The following VPS13D variants were observed in gnomAD, a reference collection of about 807,000 sequenced individuals.
VPS13D encodes intermembrane lipid transfer protein VPS13D.
A neutral mutation model predicts 461.9 loss-of-function variants in VPS13D; 187 were observed. The ratio of observed to expected loss-of-function variants is 0.40; its 90% CI spans 0.36 to 0.46. The LOEUF (loss-of-function observed/expected upper bound fraction) is 0.46. Among genes scored for constraint, VPS13D ranks in the 20% least tolerant of loss-of-function variants. The probability of loss-of-function intolerance (pLI) is 0.60; values close to 1 mark genes in which losing one functional copy is unlikely to be tolerated. For missense variants in VPS13D, 4,711 were observed against 5,364.9 expected (o/e 0.88, Z 3.81); for synonymous variants, 1,951 against 1,986.3 (o/e 0.98, Z 0.47).
In VPS13D at chr1:12,362,762, G is replaced by T. The variant is rs2101615373; in HGVS notation, c.10184G>T (p.Cys3395Phe). The change falls in exon 51 of 70, where the codon TGC becomes TTC. Residue 3395 changes from cysteine (C) to phenylalanine (F), a missense_variant. Around this residue, in one of 3 missense-constraint regions of VPS13D, gnomAD observed 4,411 missense variants for 4,937.8 expected, o/e 0.89. Coordinates refer to ENST00000620676, the MANE Select transcript of VPS13D (RefSeq NM_015378.4). ...KKGRGRYIDT[C>F]MVIFAPRYLL... ...GGCCGAGGTCGATACATTGATACCT[G>T]CATGGTCATCTTTGCCCCCCGTTAC... 6.2e-7 allele frequency: 1 copy of T among 1,614,210 alleles called. No homozygotes were observed.
intron 46 of VPS13D, among the ~76,000 whole-genome samples, chr1:12,350,337 CACAA>C (rs1643767221): frequency 6.6e-6 from 1 of 152,034 alleles, no homozygotes; most frequent in Admixed American, 6.5e-5. Flanking sequence ...ATTTCCTGAT[CACAA>C]TAGAAGTAAA....
intron 5 of VPS13D, among the ~76,000 whole-genome samples, chr1:12,247,602 A>G (rs1400979860): frequency 4.0e-5 from 6 of 151,542 alleles, no homozygotes; most frequent in African/African-American, 1.5e-4. Context: ...TTCGATTTGC[A>G]TTTTCTTAAT....
chr1:12,293,330 A>G (rs761685600), intron 23 of VPS13D, among the ~76,000 whole-genome samples, 194 bp from the exon 24 acceptor site: 15 of 152,216 alleles, frequency 9.9e-5, no homozygotes, highest in Non-Finnish European at 1.5e-4. Context: ...ACTCCTGGCT[A>G]TCACACCTTT....
chr1:12,348,864 T>G lies in VPS13D; in HGVS notation c.9111T>G (p.Thr3037=). ...LPPVRVVFAV[T]MEGSARKVIT... is the part of the protein sequence containing the mutation. ...CAGTGCGGGTGGTCTTTGCAGTGACTATGGAAGGCAGTGCACGGAAAGTCA... is the reference window on the plus strand; with the variant it reads ...CAGTGCGGGTGGTCTTTGCAGTGACGATGGAAGGCAGTGCACGGAAAGTCA... Residue 3037 remains threonine (T), a synonymous_variant, in exon 45 of 70, where the codon ACT becomes ACG. Coordinates refer to ENST00000620676, the MANE Select transcript of VPS13D (RefSeq NM_015378.4). The G allele has an allele frequency of 6.2e-7, 1 of 1,614,200 alleles. No individual in the cohort carries two copies. The highest frequency in any genetic ancestry group is 8.5e-7 in the Non-Finnish European group (1 of 1,180,038).
At chr1:12,430,841 G>T (rs1453801505) in intron 65 of VPS13D, among the ~76,000 whole-genome samples, 1 of 152,174 alleles carries the variant, frequency 6.6e-6, no homozygotes, top group Non-Finnish European at 1.5e-5. Flanking sequence ...AAGAAACAAA[G>T]CAAAAGGGGG....
chr1:12,467,281 C>T (rs991376029), intron 67 of VPS13D, among the ~76,000 whole-genome samples: 1 of 152,232 alleles, frequency 6.6e-6, no homozygotes, highest in Non-Finnish European at 1.5e-5. Context: ...AAGCAGTTCT[C>T]CTGCCTCAGC....
chr1:12,239,164 G>T (rs1314842076), intron 2 of VPS13D, among the ~76,000 whole-genome samples: 1 of 151,856 alleles, frequency 6.6e-6, no homozygotes, highest in Non-Finnish European at 1.5e-5. Flanking sequence ...TTGGAGACAG[G>T]GTCTTGCTCT....
At position 12,473,010 on chromosome 1, in the gene VPS13D, G is replaced by A. The variant is rs542262343; in HGVS notation, c.12662+12614G>A. Among the ~76,000 whole-genome samples the A allele has an allele frequency of 6.6e-6, 1 of 152,302 alleles. No homozygotes were observed. Among genetic ancestry groups the A allele is most frequent in the Admixed American group, 6.5e-5 (1 of 15,304 alleles). On this transcript the variant is annotated intron_variant, in intron 67 of 69. Coordinates refer to ENST00000620676, the MANE Select transcript of VPS13D (RefSeq NM_015378.4). This position sits in a 1 kb window ranked among gnomAD's most constrained non-coding sequence, Gnocchi z 4.2. ...TCATTCTGTGTGTTGTAAAGAAACAGGTTGTGGAAGGCTCTTGTCAGATCC... is the reference window on the plus strand; with the variant it reads ...TCATTCTGTGTGTTGTAAAGAAACAAGTTGTGGAAGGCTCTTGTCAGATCC...
intron 36 of VPS13D, 140 bp from the exon 37 acceptor site, chr1:12,329,689 G>C: frequency 1.6e-6 from 1 of 627,588 alleles, no homozygotes; most frequent in Non-Finnish European, 2.8e-6. Flanking sequence ...ATGCAAAAAA[G>C]TACATGATGA....
At chr1:12,498,665 T>A (rs941415636) in intron 68 of VPS13D, among the ~76,000 whole-genome samples, 2 of 152,154 alleles carry the variant, frequency 1.3e-5, no homozygotes, top group African/African-American at 4.8e-5. Context: ...CTGGGCAGCT[T>A]AAGCAACAGA....
chr1:12,507,203 C>T lies in VPS13D; in HGVS notation c.13035+110C>T, dbSNP rs1453328367. On this transcript the variant is annotated intron_variant, in intron 69 of 69. Transcript: ENST00000620676. The surrounding 1 kb of genome is among the most constrained non-coding windows in gnomAD (Gnocchi z 5.3). The stretch of plus-strand genomic sequence containing the variant: ...GCTCATTTAGGAGGTTGAGGCTGGG[C>T]CCTTCCCAGGAGTGCTGCCTCTCAG... 1 of 1,587,920 alleles carries T rather than the reference C, an allele frequency of 6.3e-7. No individual in the cohort carries two copies.
intron 65 of VPS13D, among the ~76,000 whole-genome samples, chr1:12,441,149 A>C (rs1645126377): frequency 6.6e-6 from 1 of 151,906 alleles, no homozygotes. Context: ...TGGTCTCAAA[A>C]CTCCTGACGT....
At chr1:12,275,584 T>A (rs1641586428) in intron 18 of VPS13D, among the ~76,000 whole-genome samples, 1 of 152,196 alleles carries the variant, frequency 6.6e-6, no homozygotes, top group Non-Finnish European at 1.5e-5. Context: ...GGCGCTCATG[T>A]CAGGGGGCCT....
intron 60 of VPS13D, among the ~76,000 whole-genome samples, chr1:12,398,874 G>C (rs1467275786): frequency 2.0e-5 from 3 of 152,194 alleles, no homozygotes; most frequent in South Asian, 2.1e-4. Flanking sequence ...ATAGTGTTTA[G>C]GAGTGCTGGC....
chr1:12,480,327 C>A (rs1270661542), intron 67 of VPS13D, among the ~76,000 whole-genome samples: 1 of 152,202 alleles, frequency 6.6e-6, no homozygotes, highest in Non-Finnish European at 1.5e-5. Context: ...GGTGCATGTG[C>A]TCAGTATGTC....
chr1:12,483,372 T>C (rs1645750234), intron 67 of VPS13D, among the ~76,000 whole-genome samples: 1 of 152,270 alleles, frequency 6.6e-6, no homozygotes, highest in Admixed American at 6.5e-5. Flanking sequence ...TTGAAACATC[T>C]TTTCGTGTTT....
At chr1:12,418,358 G>A (rs1434708472) in intron 65 of VPS13D, among the ~76,000 whole-genome samples, 1 of 152,188 alleles carries the variant, frequency 6.6e-6, no homozygotes, top group Non-Finnish European at 1.5e-5. Context: ...AAACCTCATA[G>A]TGGTAACACA....
intron 65 of VPS13D, among the ~76,000 whole-genome samples, chr1:12,454,409 T>G (rs1645299807): frequency 6.6e-6 from 1 of 151,892 alleles, no homozygotes; most frequent in Non-Finnish European, 1.5e-5. Flanking sequence ...TAACTTTAAT[T>G]CTCTCATTAG....
intron 68 of VPS13D, chr1:12,499,691 T>C (rs1646009105): frequency 1.0e-6 from 1 of 985,322 alleles, no homozygotes; most frequent in Non-Finnish European, 1.2e-6. Flanking sequence ...CCACCCAAGT[T>C]GTGGGTTAAA....
Sources: gnomAD v4.1 joint callset for allele counts (sites outside exome capture counted in the v4.1 genomes callset) on GRCh38, gnomAD v4.1.1 for gene constraint, gnomAD v4.1.1 regional missense constraint, Gnocchi (gnomAD v3.1) non-coding constraint, MANE v1.5 for transcripts, NCBI Gene and HGNC (gene_info 2026-07-23, HGNC 2026-07-21) for gene names.